PRKCH: variants seen among roughly 807,000 people sequenced by gnomAD.
PRKCH encodes the protein protein kinase C eta type.
A neutral mutation model predicts 82.5 loss-of-function variants in PRKCH; 28 were observed. That is an observed-to-expected ratio of 0.34 (90% CI 0.25 to 0.47). The LOEUF (loss-of-function observed/expected upper bound fraction) is 0.47, where lower values mean the gene tolerates loss of function less well. Among genes scored for constraint, PRKCH ranks in the 20% least tolerant of loss-of-function variants. The pLI is 1.00. For missense variants in PRKCH, 705 were observed against 881.8 expected (o/e 0.80, Z 2.54); for synonymous variants, 322 against 327.4 (o/e 0.98, Z 0.18).
At chr14:61,398,632 A>G (rs1244010461) in intron 2 of PRKCH, among the ~76,000 whole-genome samples, 1 of 152,212 alleles carries the variant, frequency 6.6e-6, no homozygotes, top group Non-Finnish European at 1.5e-5. Context: ...AAGTAGAGGT[A>G]GTTTTGCCCA....
intron 1 of PRKCH, among the ~76,000 whole-genome samples, chr14:61,204,811 A>G (rs1365618309): frequency 2.0e-5 from 3 of 150,970 alleles, no homozygotes; most frequent in Non-Finnish European, 4.4e-5. Context: ...AGGGCATTCT[A>G]TCTAGAATTA....
chr14:61,482,016 GAC>G (rs1357743208), intron 9 of PRKCH, among the ~76,000 whole-genome samples: 36 of 99,368 alleles, frequency 3.6e-4, no homozygotes, highest in African/African-American at 1.4e-3. Flanking sequence ...TTTTTTTTGA[GAC>G]AGAGTCCCCC....
At chr14:61,372,989 A>G (rs1594634272) in intron 1 of PRKCH, among the ~76,000 whole-genome samples, 1 of 151,968 alleles carries the variant, frequency 6.6e-6, no homozygotes, top group South Asian at 2.1e-4. Flanking sequence ...TCTGAGAGAC[A>G]GTCCTGCCAG....
intron 1 of PRKCH, chr14:61,322,752 C>T (rs781458056): frequency 8.6e-6 from 3 of 349,752 alleles, no homozygotes. Flanking sequence ...CCTTTCCGCC[C>T]AGTCTTTGGG....
intron 1 of PRKCH, among the ~76,000 whole-genome samples, chr14:61,301,757 C>G (rs2045449200): frequency 6.6e-6 from 1 of 152,182 alleles, no homozygotes; most frequent in Non-Finnish European, 1.5e-5. Flanking sequence ...GGGAGGATCA[C>G]TGGAGTCTGG....
intron 1 of PRKCH, among the ~76,000 whole-genome samples, chr14:61,240,246 G>A (rs553738541): frequency 4.3e-4 from 66 of 152,296 alleles, no homozygotes; most frequent in South Asian, 1.0e-3. Flanking sequence ...TGTACAGAGG[G>A]AGGGAGGGAG....
chr14:61,421,614 G>A (rs1882836473), intron 2 of PRKCH, among the ~76,000 whole-genome samples: 1 of 152,076 alleles, frequency 6.6e-6, no homozygotes, highest in South Asian at 2.1e-4. Flanking sequence ...ATTCATTGTA[G>A]TTCTAGCAGT....
At chr14:61,466,468 C>T (rs942767801) in intron 9 of PRKCH, among the ~76,000 whole-genome samples, 11 of 152,206 alleles carry the variant, frequency 7.2e-5, no homozygotes, top group Non-Finnish European at 1.3e-4. Context: ...GCCTCCCCTT[C>T]GGTTCTCCTC....
chr14:61,359,022 G>A (rs915597791), intron 1 of PRKCH, among the ~76,000 whole-genome samples: 4 of 152,160 alleles, frequency 2.6e-5, no homozygotes, highest in African/African-American at 9.7e-5. Context: ...TACCACGTTG[G>A]ATCATAATCT....
At chr14:61,287,713 G>GAA (rs1040119662) in intron 1 of PRKCH, among the ~76,000 whole-genome samples, 1 of 143,132 alleles carries the variant, frequency 7.0e-6, no homozygotes, top group Non-Finnish European at 1.5e-5. Context: ...CCGTCTCAAG[G>GAA]AAAAAAAAAA....
chr14:61,371,332 T>C (rs2046362290), intron 1 of PRKCH, among the ~76,000 whole-genome samples: 1 of 152,060 alleles, frequency 6.6e-6, no homozygotes, highest in Admixed American at 6.5e-5. Flanking sequence ...TTAAACTTCA[T>C]AGTTTATCAG....
At chr14:61,251,317 T>C (rs2044944344) in intron 1 of PRKCH, among the ~76,000 whole-genome samples, 1 of 152,104 alleles carries the variant, frequency 6.6e-6, no homozygotes, top group Non-Finnish European at 1.5e-5. Context: ...TTTCTAATTA[T>C]TTTTTGTACC....
intron 9 of PRKCH, among the ~76,000 whole-genome samples, chr14:61,480,803 T>C (rs1209809807): frequency 6.6e-6 from 1 of 152,178 alleles, no homozygotes; most frequent in Non-Finnish European, 1.5e-5. Context: ...GCAGTACAGT[T>C]ACAGCGAAGC....
intron 1 of PRKCH, among the ~76,000 whole-genome samples, chr14:61,246,260 A>AAT (rs200872199): frequency 0.081 from 12,228 of 150,430 alleles, 533 homozygotes; most frequent in Middle Eastern, 0.13. Flanking sequence ...AAAAAAAAAA[A>AAT]AGCCAGGTGT....
At chr14:61,453,199 T>C in intron 6 of PRKCH, 27 bp from the exon 7 acceptor site, 1 of 1,614,120 alleles carries the variant, frequency 6.2e-7, no homozygotes, top group Non-Finnish European at 8.5e-7. Context: ...TTTCTGAACA[T>C]GGATTCTGTT....
chr14:61,361,110 A>T (rs188705257), intron 1 of PRKCH: 2 of 152,302 alleles, frequency 1.3e-5, no homozygotes, highest in Admixed American at 1.3e-4. Flanking sequence ...GATTATGGAG[A>T]GCTGTTTGAT....
rs533795878 is a variant in PRKCH at position 61,529,326 on chromosome 14, G to A, written c.1572+113G>A. ...AGCTTTGGAGGCAGCATTGAAAGGT[G>A]TCTAGAGCCGACACCTCTAGACTCA... On this transcript the variant is annotated intron_variant, in intron 11 of 13. Coordinates refer to ENST00000332981, the MANE Select transcript of PRKCH (RefSeq NM_006255.5). The A allele has an allele frequency of 5.0e-5, 67 of 1,334,932 alleles. 1 individual carries two copies. The South Asian group carries it at 7.4e-4, about 15-fold the overall frequency. The allele number at this position is 1,334,932 out of a possible 1,614,324, so 82.7% of individuals were successfully genotyped here. A position where few individuals can be genotyped will look rare whatever the true frequency, so the allele number is the denominator to read the frequency against.
At chr14:61,191,948 C>T (rs1024438890) in intron 1 of PRKCH, among the ~76,000 whole-genome samples, 9 of 152,086 alleles carry the variant, frequency 5.9e-5, no homozygotes, top group Admixed American at 3.9e-4. Flanking sequence ...ACACTCAGCT[C>T]ATCCCAGGGT....
At chr14:61,233,948 G>A (rs893819290) in intron 1 of PRKCH, among the ~76,000 whole-genome samples, 5 of 152,092 alleles carry the variant, frequency 3.3e-5, no homozygotes, top group East Asian at 3.9e-4. Context: ...TTTTACCCTC[G>A]GATACTATTT....
Sources: allele counts gnomAD v4.1 joint callset (sites outside exome capture counted in the v4.1 genomes callset), GRCh38; gene constraint gnomAD v4.1.1; transcripts MANE v1.5; gene names NCBI Gene and HGNC (gene_info 2026-07-23, HGNC 2026-07-21).